The following GTF2A1 variants were observed in gnomAD, a reference collection of about 807,000 sequenced individuals.
GTF2A1 encodes the protein transcription initiation factor IIA subunit 1.
A neutral mutation model predicts 54.1 loss-of-function variants in GTF2A1; 12 were observed. That is an observed-to-expected ratio of 0.22 (90% CI 0.14 to 0.36). The LOEUF (loss-of-function observed/expected upper bound fraction) is 0.36. Among genes scored for constraint, GTF2A1 ranks in the 10% least tolerant of loss-of-function variants. The probability of loss-of-function intolerance (pLI) is 1.00; values close to 1 mark genes in which losing one functional copy is unlikely to be tolerated. For missense variants in GTF2A1, 335 were observed against 442.2 expected (o/e 0.76, Z 2.17); for synonymous variants, 145 against 152.0 (o/e 0.95, Z 0.34).
At chr14:81,207,165 A>G (rs1010274270) in intron 2 of GTF2A1, among the ~76,000 whole-genome samples, 2 of 151,606 alleles carry the variant, frequency 1.3e-5, no homozygotes. Flanking sequence ...CTACCTACCT[A>G]CCTACCTACC....
At chr14:81,216,758 A>G (rs1399070624) in intron 1 of GTF2A1, among the ~76,000 whole-genome samples, 1 of 152,212 alleles carries the variant, frequency 6.6e-6, no homozygotes, top group Non-Finnish European at 1.5e-5. Flanking sequence ...ACAATTTCCA[A>G]TTATAATTTC....
intron 1 of GTF2A1, among the ~76,000 whole-genome samples, chr14:81,218,045 T>C (rs1238622925): frequency 1.3e-5 from 2 of 152,060 alleles, no homozygotes; most frequent in African/African-American, 2.4e-5. Context: ...ATGGACATCA[T>C]CTTGCCTAAA....
intron 7 of GTF2A1, among the ~76,000 whole-genome samples, chr14:81,192,172 A>G (rs1892889101): frequency 6.6e-6 from 1 of 152,132 alleles, no homozygotes; most frequent in South Asian, 2.1e-4. Context: ...GAAGCAAAAG[A>G]TTAACCACAT....
chr14:81,208,457 T>C (rs1893290720), intron 2 of GTF2A1, among the ~76,000 whole-genome samples: 1 of 152,210 alleles, frequency 6.6e-6, no homozygotes. Flanking sequence ...AGAGCCCTCA[T>C]GGAGAACCTC....
chr14:81,205,709 A>G (rs949892841), intron 2 of GTF2A1, among the ~76,000 whole-genome samples: 3 of 152,194 alleles, frequency 2.0e-5, no homozygotes, highest in African/African-American at 7.2e-5. Context: ...AACCAACTGA[A>G]TAAGATTACT....
chr14:81,197,526 A>G lies in GTF2A1; in HGVS notation c.403-42T>C, dbSNP rs1328634781. On this transcript the variant is annotated intron_variant, in intron 4 of 8. Coordinates refer to ENST00000553612, the MANE Select transcript of GTF2A1 (RefSeq NM_015859.4). ...AAAAATATCAAAACCACATACATGT[A>G]TAATACTGTTTCTCTCTAGCATATT... 8 of 1,016,342 alleles carry G rather than the reference A, an allele frequency of 7.9e-6. No homozygotes were observed. In the African/African-American group the frequency reaches 1.3e-4, roughly 16 times the overall value. 63.0% of individuals were successfully genotyped at this position (1,016,342 alleles called of 1,614,324 possible). A position where few individuals can be genotyped will look rare whatever the true frequency, so the allele number is the denominator to read the frequency against.
chr14:81,202,906 A>G (rs1290522985), intron 3 of GTF2A1: 3 of 411,526 alleles, frequency 7.3e-6, no homozygotes, highest in East Asian at 1.4e-4. Flanking sequence ...GTACCACTAG[A>G]TATCAACAGT....
intron 8 of GTF2A1, among the ~76,000 whole-genome samples, chr14:81,182,909 GCTAA>G (rs1211884343): frequency 6.6e-6 from 1 of 152,124 alleles, no homozygotes; most frequent in African/African-American, 2.4e-5. Flanking sequence ...AGATGACAGG[GCTAA>G]CTCTTTCCAA....
At chr14:81,192,228 G>A (rs749112718) in intron 7 of GTF2A1, among the ~76,000 whole-genome samples, 10 of 152,104 alleles carry the variant, frequency 6.6e-5, no homozygotes, top group Non-Finnish European at 1.0e-4. Context: ...TTATAAATGC[G>A]TAAGCCAGAG....
At chr14:81,209,837 C>A in intron 2 of GTF2A1, 1 of 876,552 alleles carries the variant, frequency 1.1e-6, no homozygotes, top group South Asian at 1.4e-5. Context: ...TCACTGCCTC[C>A]ATGCATAAAA....
intron 4 of GTF2A1, among the ~76,000 whole-genome samples, chr14:81,200,244 T>C (rs1893075207): frequency 6.6e-6 from 1 of 152,178 alleles, no homozygotes; most frequent in Non-Finnish European, 1.5e-5. Context: ...CCTTCTTATC[T>C]GGCTTATAAA....
intron 1 of GTF2A1, 113 bp downstream of exon 1, chr14:81,220,376 G>A (rs1313760565): frequency 2.1e-5 from 11 of 520,114 alleles, no homozygotes; most frequent in Admixed American, 4.8e-5. Flanking sequence ...CGGCGGCCGC[G>A]CGGGCGGCTG....
At chr14:81,214,101 G>C (rs1893433374) in intron 2 of GTF2A1, among the ~76,000 whole-genome samples, 1 of 152,088 alleles carries the variant, frequency 6.6e-6, no homozygotes, top group Non-Finnish European at 1.5e-5. Flanking sequence ...GAAAATTCTA[G>C]AGAAGTTTCC....
At chr14:81,216,200 T>C (rs987647482) in intron 2 of GTF2A1, among the ~76,000 whole-genome samples, 1 of 152,212 alleles carries the variant, frequency 6.6e-6, no homozygotes, top group African/African-American at 2.4e-5. Flanking sequence ...AGGTAAGTAC[T>C]ACCAATTTCC....
At chr14:81,198,211 C>A (rs1406415607) in intron 4 of GTF2A1, among the ~76,000 whole-genome samples, 1 of 152,094 alleles carries the variant, frequency 6.6e-6, no homozygotes, top group Non-Finnish European at 1.5e-5. Flanking sequence ...TTAGGAGGCC[C>A]ACGTGGGCAG....
At chr14:81,211,989 T>C (rs978706810) in intron 2 of GTF2A1, among the ~76,000 whole-genome samples, 2 of 150,526 alleles carry the variant, frequency 1.3e-5, no homozygotes, top group African/African-American at 4.9e-5. Flanking sequence ...TCTAGAGACA[T>C]TTTTGGTTAC....
intron 6 of GTF2A1, among the ~76,000 whole-genome samples, chr14:81,194,638 A>T (rs1041873652): frequency 2.6e-5 from 4 of 152,230 alleles, no homozygotes; most frequent in Non-Finnish European, 4.4e-5. Flanking sequence ...TTCCTCTTTC[A>T]TTTTAGTGCC....
chr14:81,209,632 T>C (rs1343141023), intron 2 of GTF2A1, among the ~76,000 whole-genome samples: 1 of 152,212 alleles, frequency 6.6e-6, no homozygotes, highest in Non-Finnish European at 1.5e-5. Context: ...AGCTCCTTAG[T>C]ATAGCATGTT....
At chr14:81,204,282 G>A (rs1450022696) in intron 2 of GTF2A1, 178 bp from the exon 3 acceptor site, 2 of 742,592 alleles carry the variant, frequency 2.7e-6, no homozygotes, top group Non-Finnish European at 4.9e-6. Flanking sequence ...AAATTTTAAA[G>A]TATCAAACCT....
Sources: allele counts gnomAD v4.1 joint callset (sites outside exome capture counted in the v4.1 genomes callset), GRCh38; gene constraint gnomAD v4.1.1; transcripts MANE v1.5; gene names NCBI Gene and HGNC (gene_info 2026-07-23, HGNC 2026-07-21).